Variants in ATG7 observed in about 807,000 individuals in gnomAD.
ATG7 encodes autophagy related 7, also known as ubiquitin-like modifier-activating enzyme ATG7.
ATG7 carries 70 observed loss-of-function variants against 82.4 expected under a neutral mutation model. That is an observed-to-expected ratio of 0.85 (90% CI 0.70 to 1.04). The LOEUF (loss-of-function observed/expected upper bound fraction) is 1.04, where lower values mean the gene tolerates loss of function less well. Ranked by LOEUF, ATG7 falls within the 50% of genes least tolerant of loss-of-function variation. ATG7 has a pLI of 0.00. For missense variants in ATG7, 792 were observed against 864.3 expected (o/e 0.92, Z 1.05); for synonymous variants, 287 against 313.0 (o/e 0.92, Z 0.88).
chr3:11,502,697 C>T (rs1276816423), intron 20 of ATG7, among the ~76,000 whole-genome samples: 1 of 152,074 alleles, frequency 6.6e-6, no homozygotes, highest in African/African-American at 2.4e-5. Context: ...ATGTTAAATT[C>T]TAAGCCAACC....
At chr3:11,534,444 G>A (rs1455849991) in intron 20 of ATG7, among the ~76,000 whole-genome samples, 1 of 152,230 alleles carries the variant, frequency 6.6e-6, no homozygotes, top group Non-Finnish European at 1.5e-5. Context: ...CTGCTCACAG[G>A]CAGGTCCTGT....
chr3:11,353,200 T>C (rs2152800239), intron 14 of ATG7, among the ~76,000 whole-genome samples: 1 of 152,248 alleles, frequency 6.6e-6, no homozygotes, highest in African/African-American at 2.4e-5. Flanking sequence ...TCCCAGCACT[T>C]TGGGAGGCTG....
chr3:11,325,175 A>T (rs115405283), intron 9 of ATG7, among the ~76,000 whole-genome samples: 49 of 152,242 alleles, frequency 3.2e-4, no homozygotes, highest in African/African-American at 1.2e-3. Flanking sequence ...ACACTCTGTG[A>T]TGTTGGTATG....
At position 11,333,481 on chromosome 3, in the gene ATG7, T is replaced by G. The variant is rs2606747; in HGVS notation, c.889+388T>G. Among the ~76,000 whole-genome samples, 567 of 152,214 alleles carry G rather than the reference T, an allele frequency of 3.7e-3. 6 individuals carry two copies. The highest frequency in any genetic ancestry group is 0.013 in the African/African-American group (543 of 41,534). ...TTAAAGTTGTATGTGATCCTGTTCT[T>G]CATATAGTAAACCAGTCAGGAAAAA... On this transcript the variant is annotated intron_variant, in intron 11 of 20. Coordinates refer to ENST00000693202, the MANE Select transcript of ATG7 (RefSeq NM_001349232.2).
At chr3:11,362,735 A>G in intron 16 of ATG7, 78 bp from the exon 17 acceptor site, 1 of 1,188,370 alleles carries the variant, frequency 8.4e-7, no homozygotes, top group Non-Finnish European at 1.2e-6. Flanking sequence ...GCTTTGTCAC[A>G]GAGGATTTCA....
intron 20 of ATG7, among the ~76,000 whole-genome samples, chr3:11,493,712 C>CA (rs551208906): frequency 1.9e-3 from 285 of 152,146 alleles, no homozygotes; most frequent in Non-Finnish European, 3.1e-3. Context: ...TACTTAGATA[C>CA]AAAAAACAAA....
chr3:11,418,073 A>G (rs1227039105), intron 19 of ATG7, among the ~76,000 whole-genome samples: 2 of 151,340 alleles, frequency 1.3e-5, no homozygotes, highest in Middle Eastern at 3.4e-3. Flanking sequence ...GGCCTCCCAA[A>G]GTGCTGGGAT....
chr3:11,401,503 C>A (rs1216106727), intron 19 of ATG7, among the ~76,000 whole-genome samples: 1 of 152,182 alleles, frequency 6.6e-6, no homozygotes. Flanking sequence ...CCTCTTTCTG[C>A]CTTTCTTATC....
chr3:11,530,693 C>T (rs1308286950), intron 20 of ATG7, among the ~76,000 whole-genome samples: 1 of 152,126 alleles, frequency 6.6e-6, no homozygotes, highest in East Asian at 1.9e-4. Flanking sequence ...ATAATTTCCA[C>T]GTTCTACCTT....
At chr3:11,320,293 T>C (rs1220595167) in intron 9 of ATG7, among the ~76,000 whole-genome samples, 1 of 152,012 alleles carries the variant, frequency 6.6e-6, no homozygotes, top group African/African-American at 2.4e-5. Flanking sequence ...CCTTCTTCTT[T>C]TTTTTTTTTG....
At chr3:11,576,056 T>G in the ATG7 span, among the ~76,000 whole-genome samples, 1 of 152,228 alleles carries the variant, frequency 6.6e-6, no homozygotes, top group African/African-American at 2.4e-5. Flanking sequence ...ATTATTAGCT[T>G]TAGTTTTTTA....
At chr3:11,468,759 C>A (rs577032956) in intron 20 of ATG7, among the ~76,000 whole-genome samples, 1 of 152,282 alleles carries the variant, frequency 6.6e-6, no homozygotes, top group Non-Finnish European at 1.5e-5. Context: ...AGGGACTGTA[C>A]GCAAAATGTT....
At position 11,376,301 on chromosome 3, in the gene ATG7, A is replaced by G. The variant is rs1443834014; in HGVS notation, c.1876-3671A>G. On this transcript the variant is annotated intron_variant, in intron 18 of 20. Transcript: ENST00000693202. Reference sequence around the variant, plus strand: ...CATATACTAAAAACCACTGAGCTGTACAGTTTAAAAGATGAATTTTATGGT... The same window carrying G: ...CATATACTAAAAACCACTGAGCTGTGCAGTTTAAAAGATGAATTTTATGGT... Among the ~76,000 whole-genome samples, 4 of 152,354 alleles carry G rather than the reference A, an allele frequency of 2.6e-5. No homozygotes were observed. In the East Asian group the frequency reaches 7.7e-4, roughly 29 times the overall value.
At chr3:11,480,769 C>G (rs902372405) in intron 20 of ATG7, among the ~76,000 whole-genome samples, 2 of 152,206 alleles carry the variant, frequency 1.3e-5, no homozygotes, top group Non-Finnish European at 2.9e-5. Flanking sequence ...TCACACAAAT[C>G]TGTCAAGGAA....
intron 19 of ATG7, among the ~76,000 whole-genome samples, chr3:11,390,348 C>T (rs1358141748): frequency 6.6e-6 from 1 of 152,262 alleles, no homozygotes; most frequent in Non-Finnish European, 1.5e-5. Flanking sequence ...TGTCTCCCAG[C>T]TCTATTGGAG....
chr3:11,347,811 T>C, intron 13 of ATG7, 66 bp from the exon 14 acceptor site: 3 of 1,504,244 alleles, frequency 2.0e-6, no homozygotes, highest in Non-Finnish European at 2.7e-6. Flanking sequence ...CTTTTTGAGA[T>C]TTCAAGAGAC....
At chr3:11,434,849 T>C (rs141907546) in intron 20 of ATG7, among the ~76,000 whole-genome samples, 39 of 152,304 alleles carry the variant, frequency 2.6e-4, no homozygotes, top group African/African-American at 7.0e-4. Context: ...AGACAGCTAA[T>C]ATTAGGAAAC....
the ATG7 span, among the ~76,000 whole-genome samples, chr3:11,571,784 G>A: frequency 1.3e-5 from 2 of 152,252 alleles, no homozygotes; most frequent in African/African-American, 2.4e-5. Flanking sequence ...CATCTATTGC[G>A]AGACAGCTGT....
chr3:11,286,583 C>CTTTTTTTTTTTTTTTT (rs5846700), intron 3 of ATG7, among the ~76,000 whole-genome samples: 4 of 66,952 alleles, frequency 6.0e-5, no homozygotes, highest in Non-Finnish European at 7.4e-5. Context: ...TTCTTTCTTT[C>CTTTTTTTTTTTTTTTT]TTTTTTTTTT....
Sources: allele counts gnomAD v4.1 joint callset (sites outside exome capture counted in the v4.1 genomes callset), GRCh38; gene constraint gnomAD v4.1.1; transcripts MANE v1.5; gene names NCBI Gene and HGNC (gene_info 2026-07-23, HGNC 2026-07-21).